Variants in MYO9B observed in about 807,000 individuals in gnomAD.
MYO9B encodes myosin IXB.
Under a neutral mutation model 229.5 loss-of-function variants are expected in MYO9B, and 71 were observed. That is an observed-to-expected ratio of 0.31 (90% CI 0.26 to 0.38). MYO9B has a LOEUF of 0.38. MYO9B is among the 10% of genes least tolerant of loss of function. The probability of loss-of-function intolerance (pLI) is 1.00; values close to 1 mark genes in which losing one functional copy is unlikely to be tolerated. For missense variants in MYO9B, 2,255 were observed against 2,920.5 expected (o/e 0.77, Z 5.25); for synonymous variants, 1,185 against 1,235.8 (o/e 0.96, Z 0.86).
chr19:17,147,929 G>A (rs753413101), intron 3 of MYO9B, among the ~76,000 whole-genome samples: 93 of 151,848 alleles, frequency 6.1e-4, no homozygotes, highest in Middle Eastern at 3.4e-3. Flanking sequence ...TGATCTGCCC[G>A]CCTTGGTCTC....
At chr19:17,125,816 G>T (rs1316954405) in intron 2 of MYO9B, among the ~76,000 whole-genome samples, 1 of 152,158 alleles carries the variant, frequency 6.6e-6, no homozygotes, top group Non-Finnish European at 1.5e-5. Context: ...AACCAGAAAA[G>T]AACAGAACCC....
At chr19:17,191,525 G>A (rs750327948) in intron 20 of MYO9B, among the ~76,000 whole-genome samples, 1 of 152,154 alleles carries the variant, frequency 6.6e-6, no homozygotes, top group Non-Finnish European at 1.5e-5. Flanking sequence ...TCCCCTTTAC[G>A]GTATGAGGCA....
intron 38 of MYO9B, among the ~76,000 whole-genome samples, chr19:17,211,441 AT>A (rs930695152): frequency 1.3e-5 from 2 of 151,730 alleles, no homozygotes; most frequent in Non-Finnish European, 2.9e-5. Flanking sequence ...CGCCTGGCTA[AT>A]TTTTTTTACT....
rs761424408 is a variant in MYO9B, at chr19:17,210,388, C to T, written c.5796+8C>T. 4.1e-5 allele frequency: 65 copies of T among 1,590,134 alleles called. No homozygotes were observed. The highest frequency in any genetic ancestry group is 3.8e-4 in the African/African-American group (28 of 74,320). ...CCCTATGAGGGGGTCCTGGTATGTA[C>T]GCGTTCGGTGGGCCCGCGGTGCATG... On this transcript the variant is annotated splice_region_variant and intron_variant, in intron 37 of 39. Coordinates refer to ENST00000682292, the MANE Select transcript of MYO9B (RefSeq NM_004145.4).
chr19:17,204,939 G>A (rs975642105), intron 30 of MYO9B, among the ~76,000 whole-genome samples: 1 of 152,100 alleles, frequency 6.6e-6, no homozygotes, highest in Non-Finnish European at 1.5e-5. Context: ...ATCACCTGAG[G>A]TCGGTAGTTC....
At chr19:17,128,688 G>A (rs572237013) in intron 2 of MYO9B, among the ~76,000 whole-genome samples, 3 of 152,348 alleles carry the variant, frequency 2.0e-5, no homozygotes, top group South Asian at 4.1e-4. Context: ...TCCCCAGGTG[G>A]GCGTCACCTA....
chr19:17,123,782 G>A (rs772610038), intron 2 of MYO9B, among the ~76,000 whole-genome samples: 11 of 152,236 alleles, frequency 7.2e-5, no homozygotes, highest in Non-Finnish European at 1.5e-4. Context: ...AAATAGGCAA[G>A]GATGTTAAGA....
Position 17,201,979 on chromosome 19 carries a change from C to A in MYO9B, c.4617C>A (p.Ala1539=). The A allele has an allele frequency of 6.2e-7, 1 of 1,613,084 alleles. No individual in the cohort carries two copies. The highest frequency in any genetic ancestry group is 8.5e-7 in the Non-Finnish European group (1 of 1,179,624). The part of the protein sequence containing the change: ...KTPIESLFIE[A]TEKFRSNIKT... ...CCATTGAGAGCTTGTTTATCGAAGC[C>A]ACCGAGAAGTTCAGGAGCAACATCA... Residue 1539 remains alanine, a synonymous_variant, in exon 27 of 40, where the codon GCC becomes GCA. Coordinates refer to ENST00000682292, the MANE Select transcript of MYO9B (RefSeq NM_004145.4).
At chr19:17,182,969 T>C (rs1158253566) in intron 15 of MYO9B, among the ~76,000 whole-genome samples, 2 of 152,098 alleles carry the variant, frequency 1.3e-5, no homozygotes, top group Admixed American at 1.3e-4. Context: ...TCACCCAGGT[T>C]GGAGTGCAGT....
chr19:17,121,260 C>A (rs577313386), intron 2 of MYO9B, among the ~76,000 whole-genome samples: 1 of 152,096 alleles, frequency 6.6e-6, no homozygotes, highest in East Asian at 1.9e-4. Flanking sequence ...TTTAACACAC[C>A]CGCTTACTTG....
At chr19:17,116,581 C>A (rs2057906040) in intron 2 of MYO9B, among the ~76,000 whole-genome samples, 1 of 152,194 alleles carries the variant, frequency 6.6e-6, no homozygotes, top group Non-Finnish European at 1.5e-5. Flanking sequence ...GCCCTGGTGC[C>A]TTTTCCCCAG....
intron 10 of MYO9B, among the ~76,000 whole-genome samples, chr19:17,163,859 T>C (rs75785572): frequency 6.6e-6 from 1 of 152,218 alleles, no homozygotes; most frequent in East Asian, 1.9e-4. Context: ...ATGTACCACA[T>C]TTTGCTTATC....
intron 35 of MYO9B, among the ~76,000 whole-genome samples, chr19:17,208,353 A>AAAAAAAACT: frequency 8.0e-6 from 1 of 124,616 alleles, no homozygotes; most frequent in East Asian, 2.4e-4. Flanking sequence ...AAAAAAAAAA[A>AAAAAAAACT]ATCCAGATGG....
intron 2 of MYO9B, among the ~76,000 whole-genome samples, chr19:17,144,987 A>G (rs60191164): frequency 0.21 from 28,827 of 136,820 alleles, 3,024 homozygotes; most frequent in African/African-American, 0.23. Context: ...AAAAAAAAAA[A>G]AAAAGAAAAA....
At position 17,203,229 on chromosome 19, in the gene MYO9B, G is replaced by A. The variant is rs1421958767; in HGVS notation, c.4961G>A (p.Trp1654Ter). 6.4e-7 allele frequency: 1 copy of A among 1,564,514 alleles called. No homozygotes were observed. Among genetic ancestry groups the A allele is most frequent in the African/African-American group, 1.4e-5 (1 of 73,652 alleles). ...QSCEQCLSYI[W>*]LMDKALLCSV... ...TGCGAGCAGTGCCTCTCCTATATCT[G>A]GCTCATGGACAAGGCCCTGCTCTGC... Residue 1654 changes from tryptophan to a stop codon, truncating the protein, a stop_gained, in exon 30 of 40, where the codon TGG (tryptophan) becomes TAG (stop). Coordinates refer to ENST00000682292, the MANE Select transcript of MYO9B (RefSeq NM_004145.4). LOFTEE classifies it high-confidence loss of function.
rs753112153 is a variant in MYO9B, at chr19:17,154,335, T to C, written c.1119T>C (p.Asp373=). Residue 373 remains aspartate, a synonymous_variant, in exon 6 of 40, where the codon GAT becomes GAC. Transcript: ENST00000682292. ...TCCAGCATAACTTGAAGATTGAAGA[T>C]GGGGAGGACCTGAAGCATGACTTTG... is the stretch of plus-strand genomic sequence containing the variant. ...YLNQHNLKIE[D]GEDLKHDFER... 8.7e-6 allele frequency: 14 copies of C among 1,612,660 alleles called. 1 individual carries two copies. The South Asian group carries it at 1.3e-4, about 15-fold the overall frequency.
intron 7 of MYO9B, among the ~76,000 whole-genome samples, chr19:17,158,866 T>G (rs1237192908): frequency 6.6e-6 from 1 of 152,180 alleles, no homozygotes; most frequent in Non-Finnish European, 1.5e-5. Context: ...AAGCCCGTGC[T>G]ATGTGGGAAT....
chr19:17,152,143 C>T (rs1191070976), intron 3 of MYO9B, among the ~76,000 whole-genome samples: 8 of 147,108 alleles, frequency 5.4e-5, no homozygotes, highest in African/African-American at 1.3e-4. Flanking sequence ...GTAGAAATCA[C>T]GTCATTGCAC....
chr19:17,202,802 A>AG, intron 28 of MYO9B, 40 bp from the exon 29 acceptor site: 1 of 1,560,392 alleles, frequency 6.4e-7, no homozygotes, highest in Non-Finnish European at 8.7e-7. Flanking sequence ...GGCTCTTCCC[A>AG]GGGGGGCCCC....
Sources: gnomAD v4.1 joint callset for allele counts (sites outside exome capture counted in the v4.1 genomes callset) on GRCh38, gnomAD v4.1.1 for gene constraint, MANE v1.5 for transcripts, NCBI Gene and HGNC (gene_info 2026-07-23, HGNC 2026-07-21) for gene names.